KLF8: variants seen among roughly 807,000 people sequenced by gnomAD.
The protein encoded by KLF8 is Krueppel-like factor 8.
A neutral mutation model predicts 18.2 loss-of-function variants in KLF8; 10 were observed. The ratio of observed to expected loss-of-function variants is 0.55; its 90% CI spans 0.34 to 0.93. KLF8 has a LOEUF of 0.93. Ranked by LOEUF, KLF8 falls within the 40% of genes least tolerant of loss-of-function variation. The pLI is 0.02. For synonymous variants in KLF8, 109 were observed against 97.3 expected (o/e 1.12, Z -0.71); for missense variants, 264 against 277.9 (o/e 0.95, Z 0.36).
chrX:55,987,476 T>A, the KLF8 span, among the ~76,000 whole-genome samples: 1 of 111,310 alleles, frequency 9.0e-6, no homozygotes, highest in Admixed American at 9.6e-5. Flanking sequence ...TTGCAATAGT[T>A]TGCTGAGAAT....
At position 56,269,477 on chromosome X, in the gene KLF8, G is replaced by A. The variant is rs1477147807; in HGVS notation, c.746G>A (p.Gly249Glu). ...TCCTCAGCCTTGCAGAGTCTGCAGGGACTACAGCAAGAGTGAGTACTTTTT... is the reference window on the plus strand; with the variant it reads ...TCCTCAGCCTTGCAGAGTCTGCAGGAACTACAGCAAGAGTGAGTACTTTTT... ...SGSSALQSLQ[G>E]LQQEPAAMAQ... The change falls in exon 4 of 6, where the codon GGA becomes GAA. Residue 249 changes from glycine (G) to glutamate (E), a missense_variant. Transcript: ENST00000468660. 1 of 1,201,950 alleles carries A rather than the reference G, an allele frequency of 8.3e-7. No individual in the cohort carries two copies. Among genetic ancestry groups the A allele is most frequent in the East Asian group, 3.0e-5 (1 of 33,631 alleles).
the KLF8 span, among the ~76,000 whole-genome samples, chrX:56,005,926 A>T: frequency 8.9e-6 from 1 of 111,915 alleles, no homozygotes; most frequent in Non-Finnish European, 1.9e-5. Flanking sequence ...GACCCTTTGG[A>T]AGCACCCTGA....
chrX:56,190,031 T>C, the KLF8 span, among the ~76,000 whole-genome samples: 1 of 108,813 alleles, frequency 9.2e-6, no homozygotes, highest in Admixed American at 9.9e-5. Context: ...AATAATAAAA[T>C]TAAAAAAATA....
At chrX:56,025,270 T>C in the KLF8 span, among the ~76,000 whole-genome samples, 1 of 112,440 alleles carries the variant, frequency 8.9e-6, no homozygotes, top group African/African-American at 3.2e-5. Flanking sequence ...TTTTCGAACC[T>C]CTCCTTTTAT....
the KLF8 span, among the ~76,000 whole-genome samples, chrX:56,085,160 A>G: frequency 9.0e-6 from 1 of 111,527 alleles, no homozygotes; most frequent in African/African-American, 3.3e-5. Context: ...ACATCCTGCC[A>G]CTCTATATAG....
the KLF8 span, among the ~76,000 whole-genome samples, chrX:56,205,474 T>C: frequency 1.8e-5 from 2 of 112,010 alleles, no homozygotes; most frequent in African/African-American, 6.5e-5. Context: ...ATTGATTGAT[T>C]TGCACACAAT....
At chrX:55,929,110 C>A in the KLF8 span, among the ~76,000 whole-genome samples, 1 of 112,578 alleles carries the variant, frequency 8.9e-6, no homozygotes, top group Non-Finnish European at 1.9e-5. Context: ...ATTTGCATTT[C>A]TCTAATGACC....
intron 1 of KLF8, among the ~76,000 whole-genome samples, chrX:56,235,978 T>A (rs2066470137): frequency 8.9e-6 from 1 of 112,195 alleles, no homozygotes. Flanking sequence ...TGGATTTAAA[T>A]ATATGAAAGG....
At chrX:55,963,928 T>G in the KLF8 span, among the ~76,000 whole-genome samples, 5 of 112,052 alleles carry the variant, frequency 4.5e-5, no homozygotes, top group Non-Finnish European at 7.5e-5. Flanking sequence ...TCTACACTTT[T>G]GGAGCATAAT....
At chrX:56,123,005 G>T in the KLF8 span, among the ~76,000 whole-genome samples, 1 of 109,905 alleles carries the variant, frequency 9.1e-6, no homozygotes, top group African/African-American at 3.3e-5. Context: ...TCCACTCCCT[G>T]CCCACCCTGA....
At chrX:55,953,376 A>G in the KLF8 span, among the ~76,000 whole-genome samples, 1 of 110,902 alleles carries the variant, frequency 9.0e-6, no homozygotes, top group South Asian at 3.8e-4. Context: ...ATGGATGAGA[A>G]TACCCAATTT....
upstream of KLF8, among the ~76,000 whole-genome samples, chrX:56,231,665 A>G (rs766647607): frequency 5.4e-5 from 6 of 111,334 alleles, no homozygotes; most frequent in Non-Finnish European, 1.1e-4. Context: ...AGCTAGAGAG[A>G]GACTTTCAGG....
chrX:56,108,517 T>C, the KLF8 span, among the ~76,000 whole-genome samples: 139 of 112,488 alleles, frequency 1.2e-3, 1 homozygote, highest in Admixed American at 3.5e-3. Flanking sequence ...TTGATTGGTT[T>C]CTATAAATTT....
At chrX:56,191,140 C>G in the KLF8 span, among the ~76,000 whole-genome samples, 1 of 111,323 alleles carries the variant, frequency 9.0e-6, no homozygotes, top group East Asian at 2.8e-4. Context: ...ATAAATGATA[C>G]TACAGAAATT....
chrX:56,050,716 G>A, the KLF8 span, among the ~76,000 whole-genome samples: 2 of 111,860 alleles, frequency 1.8e-5, no homozygotes, highest in Non-Finnish European at 3.8e-5. Context: ...AATATGTGTG[G>A]TGTGGTACTG....
the KLF8 span, among the ~76,000 whole-genome samples, chrX:56,208,035 G>A: frequency 8.1e-5 from 9 of 110,794 alleles, no homozygotes; most frequent in East Asian, 2.0e-3. Flanking sequence ...AAAACCATCA[G>A]ATCTTAGGCG....
the KLF8 span, among the ~76,000 whole-genome samples, chrX:56,129,320 C>T: frequency 1.3e-4 from 15 of 111,603 alleles, no homozygotes; most frequent in Non-Finnish European, 2.3e-4. Context: ...TCCTGCAGGA[C>T]CCGGGAGATA....
the KLF8 span, among the ~76,000 whole-genome samples, chrX:56,086,774 T>C: frequency 8.1e-5 from 9 of 111,339 alleles, no homozygotes; most frequent in African/African-American, 2.9e-4. Context: ...TTGCAAATAC[T>C]AGTGGAAAGC....
chrX:56,014,113 A>G, the KLF8 span, among the ~76,000 whole-genome samples: 1 of 112,298 alleles, frequency 8.9e-6, no homozygotes, highest in Non-Finnish European at 1.9e-5. Flanking sequence ...AGCAATTGCA[A>G]AAAAAGCAAA....
Sources: gnomAD v4.1 joint callset for allele counts (sites outside exome capture counted in the v4.1 genomes callset) on GRCh38, gnomAD v4.1.1 for gene constraint, MANE v1.5 for transcripts, NCBI Gene and HGNC (gene_info 2026-07-23, HGNC 2026-07-21) for gene names.